Variants in PAPPA2 observed in about 807,000 individuals in gnomAD.
PAPPA2 encodes pappalysin-2.
Under a neutral mutation model 176.4 loss-of-function variants are expected in PAPPA2, and 86 were observed. That is an observed-to-expected ratio of 0.49 (90% CI 0.41 to 0.58). The LOEUF is 0.58. Among genes scored for constraint, PAPPA2 ranks in the 20% least tolerant of loss-of-function variants. The pLI, the probability that PAPPA2 is intolerant of heterozygous loss-of-function variation, is 0.00. For missense variants in PAPPA2, 2,073 were observed against 2,256.9 expected (o/e 0.92, Z 1.65); for synonymous variants, 809 against 852.2 (o/e 0.95, Z 0.88).
intron 3 of PAPPA2, among the ~76,000 whole-genome samples, chr1:176,670,006 C>T (rs1658893120): frequency 6.6e-6 from 1 of 152,074 alleles, no homozygotes; most frequent in Non-Finnish European, 1.5e-5. Flanking sequence ...AGGAACATTC[C>T]TATCTCTGGA....
chr1:176,747,917 A>AC (rs1662981635), intron 14 of PAPPA2, among the ~76,000 whole-genome samples: 1 of 152,276 alleles, frequency 6.6e-6, no homozygotes, highest in Non-Finnish European at 1.5e-5. Flanking sequence ...CACAGAAACC[A>AC]CCCTTACTTC....
chr1:176,564,075 C>A (rs768103526), intron 2 of PAPPA2, among the ~76,000 whole-genome samples: 1 of 152,192 alleles, frequency 6.6e-6, no homozygotes, highest in Non-Finnish European at 1.5e-5. Context: ...TTGTCCCCCC[C>A]AGTAAAATCC....
chr1:176,503,299 G>A (rs1382673643), intron 1 of PAPPA2, among the ~76,000 whole-genome samples: 1 of 152,134 alleles, frequency 6.6e-6, no homozygotes, highest in Non-Finnish European at 1.5e-5. Context: ...TTCCACTTTA[G>A]AGAACCCTTT....
At chr1:176,478,942 T>A (rs1652259035) in intron 1 of PAPPA2, among the ~76,000 whole-genome samples, 1 of 152,204 alleles carries the variant, frequency 6.6e-6, no homozygotes, top group Non-Finnish European at 1.5e-5. Flanking sequence ...TCAAGTTGGA[T>A]GGAGATAAGA....
chr1:176,797,819 C>A (rs1256398993), intron 20 of PAPPA2, among the ~76,000 whole-genome samples: 1 of 152,060 alleles, frequency 6.6e-6, no homozygotes, highest in Non-Finnish European at 1.5e-5. Flanking sequence ...AAATTTCCCT[C>A]CAATTATAAT....
intron 1 of PAPPA2, among the ~76,000 whole-genome samples, chr1:176,504,492 T>C (rs1293334272): frequency 6.6e-6 from 1 of 152,146 alleles, no homozygotes; most frequent in Non-Finnish European, 1.5e-5. Flanking sequence ...TATCAGTAGA[T>C]ATAGATCACT....
intron 10 of PAPPA2, among the ~76,000 whole-genome samples, chr1:176,708,635 A>C (rs1414301770): frequency 6.6e-6 from 1 of 152,126 alleles, no homozygotes. Flanking sequence ...GGTGAAATGC[A>C]TGAGTTGAAA....
intron 5 of PAPPA2, 149 bp from the exon 6 acceptor site, chr1:176,691,977 A>G (rs1195104774): frequency 2.8e-6 from 2 of 723,392 alleles, no homozygotes; most frequent in Non-Finnish European, 4.6e-6. Context: ...TCTGGAACAG[A>G]TTGCATTTGT....
rs897598181 is a variant in PAPPA2, at chr1:176,843,944, T to C, written c.*1490T>C. 6.8e-6 allele frequency: 1 copy of C among 147,618 alleles called. No individual in the cohort carries two copies. Among genetic ancestry groups the C allele is most frequent in the African/African-American group, 2.4e-5 (1 of 40,818 alleles). The allele number at this position is 147,618 out of a possible 1,614,324, so 9.1% of individuals were successfully genotyped here. ...TGGGGAGACAGAAGAATTTCAACTATTTAATGTCCATTTTGTTGTTTTTAC... is the reference window on the plus strand; with the variant it reads ...TGGGGAGACAGAAGAATTTCAACTACTTAATGTCCATTTTGTTGTTTTTAC... On this transcript the variant is annotated 3_prime_UTR_variant, in exon 23 of 23. Coordinates refer to ENST00000367662, the MANE Select transcript of PAPPA2 (RefSeq NM_020318.3).
intron 21 of PAPPA2, among the ~76,000 whole-genome samples, chr1:176,830,774 T>C (rs573832549): frequency 6.6e-6 from 1 of 152,320 alleles, no homozygotes; most frequent in South Asian, 2.1e-4. Context: ...TGGTATGTCA[T>C]TATTAATTCT....
chr1:176,793,768 C>A, intron 20 of PAPPA2, 99 bp downstream of exon 20: 2 of 840,850 alleles, frequency 2.4e-6, no homozygotes, highest in Admixed American at 3.1e-5. Flanking sequence ...TTCAAAGCAT[C>A]CTCAAAGCAA....
At chr1:176,582,610 C>T (rs1653054403) in intron 2 of PAPPA2, among the ~76,000 whole-genome samples, 1 of 151,924 alleles carries the variant, frequency 6.6e-6, no homozygotes, top group Admixed American at 6.6e-5. Context: ...GGATGAATCC[C>T]ACTTGATCAT....
At chr1:176,646,370 G>T (rs1453394602) in intron 3 of PAPPA2, among the ~76,000 whole-genome samples, 1 of 151,018 alleles carries the variant, frequency 6.6e-6, no homozygotes, top group Non-Finnish European at 1.5e-5. Flanking sequence ...GGTTAATGGG[G>T]TATCCATCAC....
intron 3 of PAPPA2, among the ~76,000 whole-genome samples, chr1:176,670,231 A>G (rs1302261427): frequency 6.6e-6 from 1 of 152,222 alleles, no homozygotes; most frequent in Admixed American, 6.5e-5. Context: ...CCTTTTTTAT[A>G]AGCCACAAGT....
At chr1:176,704,216 C>T (rs1660779166) in intron 9 of PAPPA2, among the ~76,000 whole-genome samples, 1 of 152,194 alleles carries the variant, frequency 6.6e-6, no homozygotes, top group Non-Finnish European at 1.5e-5. Flanking sequence ...TAAGGCAGCA[C>T]TGCTTGGCTA....
At chr1:176,504,191 A>C (rs1433680165) in intron 1 of PAPPA2, among the ~76,000 whole-genome samples, 2 of 152,100 alleles carry the variant, frequency 1.3e-5, no homozygotes, top group East Asian at 3.9e-4. Flanking sequence ...GCAATTTTTG[A>C]AAAGTCATCA....
intron 9 of PAPPA2, among the ~76,000 whole-genome samples, chr1:176,704,440 C>T (rs192051812): frequency 1.0e-3 from 156 of 152,160 alleles, no homozygotes; most frequent in African/African-American, 3.3e-3. Flanking sequence ...AAAACAAGCA[C>T]GATGCAGGGC....
chr1:176,486,072 G>A (rs114184220), intron 1 of PAPPA2, among the ~76,000 whole-genome samples: 1 of 152,204 alleles, frequency 6.6e-6, no homozygotes, highest in African/African-American at 2.4e-5. Flanking sequence ...TCATCTTGGT[G>A]TGACTCCCTG....
chr1:176,580,139 GCAAATTTATC>G (rs1349279745), intron 2 of PAPPA2, among the ~76,000 whole-genome samples: 2 of 151,986 alleles, frequency 1.3e-5, no homozygotes, highest in Non-Finnish European at 2.9e-5. Context: ...GTATCCTTTA[GCAAATTTATC>G]CCTATCTCCC....
Sources: allele counts gnomAD v4.1 joint callset (sites outside exome capture counted in the v4.1 genomes callset), GRCh38; gene constraint gnomAD v4.1.1; transcripts MANE v1.5; gene names NCBI Gene and HGNC (gene_info 2026-07-23, HGNC 2026-07-21).